NTRK3: variants seen among roughly 807,000 people sequenced by gnomAD.
The protein encoded by NTRK3 is neurotrophic receptor tyrosine kinase 3.
NTRK3 carries 24 observed loss-of-function variants against 91.7 expected under a neutral mutation model. The observed-to-expected ratio is 0.26, with a 90% CI of 0.19 to 0.37. The LOEUF is 0.37. Ranked by LOEUF, NTRK3 falls within the 10% of genes least tolerant of loss-of-function variation. The pLI is 1.00. For synonymous variants in NTRK3, 483 were observed against 404.0 expected, an observed-to-expected ratio of 1.20 and a Z score of -2.34; for missense variants, 880 against 1,068.9, an observed-to-expected ratio of 0.82 and a Z score of 2.46.
At chr15:87,950,818 TCTCC>T (rs772759195) in intron 14 of NTRK3, among the ~76,000 whole-genome samples, 82 of 152,324 alleles carry the variant, frequency 5.4e-4, no homozygotes, top group Admixed American at 2.7e-3. Context: ...CTGCAAGGAT[TCTCC>T]CTTATTATTG....
At chr15:88,074,937 T>G (rs1314697647) in intron 13 of NTRK3, among the ~76,000 whole-genome samples, 1 of 152,200 alleles carries the variant, frequency 6.6e-6, no homozygotes, top group African/African-American at 2.4e-5. Context: ...TGATGTATGA[T>G]GTAAGGGACT....
chr15:87,966,981 G>A (rs974501187), intron 14 of NTRK3, among the ~76,000 whole-genome samples: 1 of 152,180 alleles, frequency 6.6e-6, no homozygotes, highest in African/African-American at 2.4e-5. Flanking sequence ...AACCAAAAAT[G>A]TCTCCACACA....
intron 13 of NTRK3, among the ~76,000 whole-genome samples, chr15:88,103,212 A>C (rs747402784): frequency 1.2e-4 from 19 of 152,172 alleles, no homozygotes; most frequent in Non-Finnish European, 2.8e-4. Context: ...TAGTACCCAC[A>C]ATCAGTTGGT....
At chr15:87,961,779 CTA>C (rs1310885140) in intron 14 of NTRK3, among the ~76,000 whole-genome samples, 5 of 152,274 alleles carry the variant, frequency 3.3e-5, no homozygotes, top group African/African-American at 1.2e-4. Flanking sequence ...TCCCTTTGGC[CTA>C]GCCATTAACC....
Position 87,905,080 on chromosome 15 carries a change from G to A in NTRK3, c.2133+24111C>T, listed in dbSNP as rs986157242. Among the ~76,000 whole-genome samples, 12 of 152,312 alleles carry A rather than the reference G, an allele frequency of 7.9e-5. 1 individual carries two copies. In the South Asian group the frequency reaches 1.7e-3, roughly 21 times the overall value. The stretch of plus-strand genomic sequence containing the variant: ...TACCCAATAGTTAGAAGACCACAGC[G>A]AGGGACATCCCAGTGCTTGGAGTAT... On this transcript the variant is annotated intron_variant, in intron 17 of 18. Transcript: ENST00000394480.
Position 88,256,340 on chromosome 15 carries a change from ACGCCGCCGC to A in NTRK3, c.-81_-73del, listed in dbSNP as rs542135987. 168 of 637,998 alleles carry A rather than the reference ACGCCGCCGC, an allele frequency of 2.6e-4. 1 individual carries two copies. Among genetic ancestry groups the A allele is most frequent in the South Asian group, 1.3e-3 (73 of 56,406 alleles). 39.5% of individuals were successfully genotyped at this position (637,998 alleles called of 1,614,324 possible). A position where few individuals can be genotyped will look rare whatever the true frequency, so the allele number is the denominator to read the frequency against. On this transcript the variant is annotated 5_prime_UTR_variant, in exon 2 of 19. Coordinates refer to ENST00000394480, the Ensembl canonical transcript of NTRK3. ...CCTTCAGCGTCTGAAACCATCGCGG[ACGCCGCCGC>A]CGCCGCCGCCGCCGCCGGGTGGGAG... is the stretch of plus-strand genomic sequence containing the variant.
chr15:88,198,107 A>G (rs1465368070), intron 3 of NTRK3, among the ~76,000 whole-genome samples: 1 of 152,180 alleles, frequency 6.6e-6, no homozygotes. Flanking sequence ...TTTCCTCTTC[A>G]AAAAGAAAAG....
At chr15:87,976,523 C>T (rs1472007547) in intron 14 of NTRK3, among the ~76,000 whole-genome samples, 3 of 152,186 alleles carry the variant, frequency 2.0e-5, no homozygotes, top group Non-Finnish European at 2.9e-5. Context: ...GGCCCGCATT[C>T]TCCACTCTTG....
chr15:88,148,731 G>A (rs1424744023), intron 5 of NTRK3, among the ~76,000 whole-genome samples: 1 of 152,284 alleles, frequency 6.6e-6, no homozygotes, highest in African/African-American at 2.4e-5. Context: ...AAGTGACCTA[G>A]TCTAATTACC....
chr15:87,885,268 T>C (rs1163051196), intron 17 of NTRK3, among the ~76,000 whole-genome samples: 1 of 151,876 alleles, frequency 6.6e-6, no homozygotes, highest in Non-Finnish European at 1.5e-5. Context: ...TCTGAACAAA[T>C]GAAAAGTTGT....
chr15:88,022,357 C>A (rs1163643369), intron 14 of NTRK3, among the ~76,000 whole-genome samples: 2 of 152,134 alleles, frequency 1.3e-5, no homozygotes, highest in African/African-American at 2.4e-5. Flanking sequence ...TTGGGCGCAA[C>A]AATAATGCTC....
chr15:88,113,311 CTTT>C (rs60232101), intron 13 of NTRK3, among the ~76,000 whole-genome samples: 1 of 111,640 alleles, frequency 9.0e-6, no homozygotes, highest in Non-Finnish European at 1.7e-5. Flanking sequence ...TGATCAATTT[CTTT>C]TTTTTTTTTT....
chr15:88,128,782 G>C (rs1404833239), intron 10 of NTRK3, 48 bp from the exon 11 acceptor site: 1 of 1,533,384 alleles, frequency 6.5e-7, no homozygotes, highest in Non-Finnish European at 9.0e-7. Context: ...ATAAAAACCA[G>C]AACAGACACA....
intron 13 of NTRK3, among the ~76,000 whole-genome samples, chr15:88,111,345 A>G (rs745898429): frequency 3.3e-5 from 5 of 152,210 alleles, no homozygotes; most frequent in Non-Finnish European, 7.3e-5. Flanking sequence ...AGAGAGAAAG[A>G]CAGCAGAAAG....
intron 13 of NTRK3, among the ~76,000 whole-genome samples, chr15:88,095,105 C>G (rs1417158187): frequency 6.6e-6 from 1 of 152,200 alleles, no homozygotes; most frequent in East Asian, 1.9e-4. Flanking sequence ...GCCTTGGCAG[C>G]AATGACATTC....
intron 5 of NTRK3, among the ~76,000 whole-genome samples, chr15:88,157,233 A>G (rs964838918): frequency 1.3e-5 from 2 of 151,946 alleles, no homozygotes; most frequent in African/African-American, 4.8e-5. Context: ...CCTCTCTCAC[A>G]CACACACACC....
At chr15:88,067,364 GATA>G (rs2046740957) in intron 13 of NTRK3, among the ~76,000 whole-genome samples, 1 of 152,046 alleles carries the variant, frequency 6.6e-6, no homozygotes, top group South Asian at 2.1e-4. Flanking sequence ...TATCTATTTA[GATA>G]GAATATCTAC....
At chr15:87,996,327 T>C (rs2075699975) in intron 14 of NTRK3, among the ~76,000 whole-genome samples, 1 of 152,164 alleles carries the variant, frequency 6.6e-6, no homozygotes, top group South Asian at 2.1e-4. Context: ...GCTTGCAGGC[T>C]ATAGTTTGTG....
At chr15:87,868,704 A>G (rs2141399313) in exon 19 of NTRK3, 1 of 220,162 alleles carries the variant, frequency 4.5e-6, no homozygotes, top group Non-Finnish European at 9.1e-6. Context: ...TTGAGGTTCT[A>G]TGTGGCTGTT....
Sources: gnomAD v4.1 joint callset for allele counts (sites outside exome capture counted in the v4.1 genomes callset) on GRCh38, gnomAD v4.1.1 for gene constraint, MANE v1.5 for transcripts, NCBI Gene and HGNC (gene_info 2026-07-23, HGNC 2026-07-21) for gene names.